Variants in FUT9 observed in about 807,000 individuals in gnomAD.
FUT9 encodes 4-galactosyl-N-acetylglucosaminide 3-alpha-L-fucosyltransferase 9.
A neutral mutation model predicts 29.7 loss-of-function variants in FUT9; 15 were observed. That is an observed-to-expected ratio of 0.51 (90% confidence interval 0.34 to 0.78). FUT9 has a LOEUF of 0.78. Among genes scored for constraint, FUT9 ranks in the 30% least tolerant of loss-of-function variants. The probability of loss-of-function intolerance (pLI) is 0.01; values close to 1 mark genes in which losing one functional copy is unlikely to be tolerated. For missense variants in FUT9, 319 were observed against 425.4 expected, an observed-to-expected ratio of 0.75 and a Z score of 2.20; for synonymous variants, 169 against 153.7, an observed-to-expected ratio of 1.10 and a Z score of -0.74.
Position 96,132,670 on chromosome 6 carries a change from T to C in FUT9, c.-9+18543T>C, listed in dbSNP as rs1388598430. Among the ~76,000 whole-genome samples the C allele has an allele frequency of 2.6e-5, 4 of 152,102 alleles. No individual in the cohort carries two copies. The East Asian group carries it at 7.7e-4, about 29-fold the overall frequency. On this transcript the variant is annotated intron_variant, in intron 2 of 2. Coordinates refer to ENST00000302103, the MANE Select transcript of FUT9 (RefSeq NM_006581.4). Reference sequence around the variant, plus strand: ...TCAACTTTATTATGCTTTCTTATGTTCTGTTTTTGGTGATTTAGACACATT... The same window carrying C: ...TCAACTTTATTATGCTTTCTTATGTCCTGTTTTTGGTGATTTAGACACATT...
In FUT9 at chr6:96,058,001, T is replaced by TA. The variant is rs140215811; in HGVS notation, c.-98+41794dup. 4.8e-3 allele frequency among the ~76,000 whole-genome samples: 723 copies of TA among 152,170 alleles called. 6 individuals are homozygous for TA. The highest frequency in any genetic ancestry group is 0.017 in the African/African-American group (700 of 41,540). On this transcript the variant is annotated intron_variant, in intron 1 of 2. Transcript: ENST00000302103. ...TTAAAATCTGTAAATTCAAAACATTTAAAAAGAAGACACATGATCTCATCT... is the reference window on the plus strand; with the variant it reads ...TTAAAATCTGTAAATTCAAAACATTTAAAAAAGAAGACACATGATCTCATCT...
chr6:96,082,722 A>G (rs1049277388), intron 1 of FUT9, among the ~76,000 whole-genome samples: 4 of 151,874 alleles, frequency 2.6e-5, no homozygotes, highest in African/African-American at 9.7e-5. Flanking sequence ...GAACCTATCT[A>G]CTATTTTTTG....
At chr6:96,119,419 G>A (rs560308780) in intron 2 of FUT9, among the ~76,000 whole-genome samples, 173 of 152,172 alleles carry the variant, frequency 1.1e-3, no homozygotes, top group Non-Finnish European at 2.2e-3. Context: ...CTAGGTTTGT[G>A]TAAGTCCACT....
intron 2 of FUT9, among the ~76,000 whole-genome samples, chr6:96,117,299 G>T (rs1771929985): frequency 2.0e-5 from 3 of 152,168 alleles, no homozygotes; most frequent in Non-Finnish European, 4.4e-5. Context: ...AGAGAAAGAA[G>T]TTATAATCAG....
intron 1 of FUT9, among the ~76,000 whole-genome samples, chr6:96,034,182 C>T (rs1770313772): frequency 6.6e-6 from 1 of 151,540 alleles, no homozygotes; most frequent in African/African-American, 2.4e-5. Context: ...AGCACATCAC[C>T]CTTCTGATGA....
At chr6:96,187,482 G>T (rs958315764) in intron 2 of FUT9, among the ~76,000 whole-genome samples, 1 of 152,082 alleles carries the variant, frequency 6.6e-6, no homozygotes, top group African/African-American at 2.4e-5. Flanking sequence ...GGCAAGTAGG[G>T]TGGGTGCAGA....
At chr6:96,081,683 T>C (rs1771240381) in intron 1 of FUT9, among the ~76,000 whole-genome samples, 1 of 151,828 alleles carries the variant, frequency 6.6e-6, no homozygotes, top group African/African-American at 2.4e-5. Flanking sequence ...TTCTACAAAG[T>C]ACATATTTAG....
Position 96,088,530 on chromosome 6 carries a change from T to TTGTG in FUT9, c.-97-25474_-97-25471dup, listed in dbSNP as rs35995545. On this transcript the variant is annotated intron_variant, in intron 1 of 2. Coordinates refer to ENST00000302103, the MANE Select transcript of FUT9 (RefSeq NM_006581.4). The stretch of plus-strand genomic sequence containing the variant: ...CTGTATGATTCTCTGTTTGTTTGTT[T>TTGTG]TGTGTGTGTGTGTGTGTGTGTGTGT... 9.4e-3 allele frequency among the ~76,000 whole-genome samples: 1,403 copies of TTGTG among 148,798 alleles called. 19 individuals are homozygous for TTGTG. The highest frequency in any genetic ancestry group is 0.032 in the African/African-American group (1,302 of 40,132).
rs377396536 is a variant in FUT9, at chr6:96,022,303, G to A, written c.-98+6091G>A. 1.2e-4 allele frequency among the ~76,000 whole-genome samples: 18 copies of A among 152,144 alleles called. 1 individual carries two copies. The highest frequency in any genetic ancestry group is 4.3e-4 in the African/African-American group (18 of 41,568). ...GTATGAGTGACTGGTTGTACTCCTT[G>A]TTTTGAAGAGGCTGCATGAAGGCAG... On this transcript the variant is annotated intron_variant, in intron 1 of 2. Coordinates refer to ENST00000302103, the MANE Select transcript of FUT9 (RefSeq NM_006581.4).
chr6:96,018,081 A>C (rs1040698929), intron 1 of FUT9, among the ~76,000 whole-genome samples: 2 of 152,200 alleles, frequency 1.3e-5, no homozygotes, highest in African/African-American at 4.8e-5. Flanking sequence ...AGCCGCATTA[A>C]AAGTCAAGAG....
intron 1 of FUT9, among the ~76,000 whole-genome samples, chr6:96,042,291 A>G (rs999473074): frequency 6.6e-6 from 1 of 152,200 alleles, no homozygotes; most frequent in African/African-American, 2.4e-5. Context: ...GAATTCCCAG[A>G]TAAGTGTTAG....
chr6:96,168,939 C>A (rs994396721), intron 2 of FUT9, among the ~76,000 whole-genome samples: 1 of 152,076 alleles, frequency 6.6e-6, no homozygotes, highest in Non-Finnish European at 1.5e-5. Flanking sequence ...TCCTACCTAT[C>A]GCAACAGGCA....
chr6:96,039,618 GGGC>G (rs1770420602), intron 1 of FUT9, among the ~76,000 whole-genome samples: 1 of 151,794 alleles, frequency 6.6e-6, no homozygotes, highest in Non-Finnish European at 1.5e-5. Context: ...CTCCTCACAG[GGGC>G]TTCCTCAGTC....
In FUT9 at chr6:96,027,078, C is replaced by T. The variant is rs144354290; in HGVS notation, c.-98+10866C>T. ...AATAATTTATAAAATTTCTTAATGA[C>T]CATTGTTTTACTTATAGTCATGTAA... is the stretch of plus-strand genomic sequence containing the variant. On this transcript the variant is annotated intron_variant, in intron 1 of 2. Transcript: ENST00000302103. Among the ~76,000 whole-genome samples, 96 of 151,692 alleles carry T rather than the reference C, an allele frequency of 6.3e-4. 1 individual carries two copies. The East Asian group carries it at 0.017, about 26-fold the overall frequency.
At chr6:96,032,899 G>C (rs556338716) in intron 1 of FUT9, among the ~76,000 whole-genome samples, 2 of 151,680 alleles carry the variant, frequency 1.3e-5, no homozygotes, top group Admixed American at 1.3e-4. Context: ...CTGAGGAGTA[G>C]AGGAACAGTA....
At position 96,203,467 on chromosome 6, in the gene FUT9, T is replaced by G. The variant is rs190540423; in HGVS notation, c.312T>G (p.His104Gln). ...ACCGTTCACTGTACAACAAATCCCA[T>G]GCAGTTCTGATCCATCACCGAGACA... ...TTDRSLYNKS[H>Q]AVLIHHRDIS... The change falls in exon 3 of 3, where the codon CAT (histidine) becomes CAG (glutamine). Residue 104 changes from histidine (H) to glutamine (Q), a missense_variant. By Grantham distance (24) the His-to-Gln change is conservative (BLOSUM62 0). Coordinates refer to ENST00000302103, the MANE Select transcript of FUT9 (RefSeq NM_006581.4). The G allele has an allele frequency of 1.2e-6, 2 of 1,609,128 alleles. No homozygotes were observed. Among genetic ancestry groups the G allele is most frequent in the Non-Finnish European group, 1.7e-6 (2 of 1,177,326 alleles).
rs1773792605 is a variant in FUT9 at position 96,204,579 on chromosome 6, G to C, written c.*344G>C. Reference sequence around the variant, plus strand: ...CACTGATCAGCTGTTTAATCTATTTGGGAAATGAAGATGCACATCTTAAAG... The same window carrying C: ...CACTGATCAGCTGTTTAATCTATTTCGGAAATGAAGATGCACATCTTAAAG... On this transcript the variant is annotated 3_prime_UTR_variant, in exon 3 of 3. Coordinates refer to ENST00000302103, the MANE Select transcript of FUT9 (RefSeq NM_006581.4). 2 of 174,014 alleles carry C rather than the reference G, an allele frequency of 1.1e-5. No homozygotes were observed. Among genetic ancestry groups the C allele is most frequent in the Non-Finnish European group, 1.4e-5 (1 of 73,146 alleles). 10.8% of individuals were successfully genotyped at this position (174,014 alleles called of 1,614,324 possible).
intron 2 of FUT9, among the ~76,000 whole-genome samples, chr6:96,121,588 A>G (rs986673070): frequency 2.0e-5 from 3 of 152,290 alleles, no homozygotes; most frequent in Admixed American, 6.5e-5. Context: ...CTATCCTTAT[A>G]AAGTCAATTA....
At chr6:96,141,396 T>C (rs1374345895) in intron 2 of FUT9, among the ~76,000 whole-genome samples, 1 of 152,200 alleles carries the variant, frequency 6.6e-6, no homozygotes, top group Non-Finnish European at 1.5e-5. Flanking sequence ...TCTCTGTATC[T>C]TTCTATTAGC....
Sources: allele counts gnomAD v4.1 joint callset (sites outside exome capture counted in the v4.1 genomes callset), GRCh38; gene constraint gnomAD v4.1.1; transcripts MANE v1.5; gene names NCBI Gene and HGNC (gene_info 2026-07-23, HGNC 2026-07-21).